ARHGAP35: variants seen among roughly 807,000 people sequenced by gnomAD.
The protein encoded by ARHGAP35 is Rho GTPase activating protein 35.
Under a neutral mutation model 111.1 loss-of-function variants are expected in ARHGAP35, and 15 were observed. That is an observed-to-expected ratio of 0.13 (90% confidence interval 0.09 to 0.21). ARHGAP35 has a LOEUF of 0.21. Among genes scored for constraint, ARHGAP35 ranks in the 10% least tolerant of loss-of-function variants. The probability of loss-of-function intolerance (pLI) is 1.00; values close to 1 mark genes in which losing one functional copy is unlikely to be tolerated. For missense variants in ARHGAP35, 1,262 were observed against 1,873.0 expected (o/e 0.67, Z 6.02); for synonymous variants, 643 against 710.3 (o/e 0.91, Z 1.51).
At position 46,986,959 on chromosome 19, in the gene ARHGAP35, G is replaced by T. The variant is rs781659338; in HGVS notation, c.3827-1030G>T. 7.9e-5 allele frequency among the ~76,000 whole-genome samples: 12 copies of T among 152,118 alleles called. No homozygotes were observed. The highest frequency in any genetic ancestry group is 1.8e-4 in the Non-Finnish European group (12 of 68,024). On this transcript the variant is annotated intron_variant, in intron 3 of 6. Transcript: ENST00000672722. The surrounding 1 kb of genome is among the most constrained non-coding windows in gnomAD (Gnocchi z 4.3). ...TTCTTCTGCCTCAGCCTCCCGAGTA[G>T]CTGGGATTATAGGCATGTGCCACCA... is the stretch of plus-strand genomic sequence containing the variant.
At chr19:46,956,001 TGTG>T (rs1223820426) in intron 3 of ARHGAP35, among the ~76,000 whole-genome samples, 1 of 152,178 alleles carries the variant, frequency 6.6e-6, no homozygotes, top group Non-Finnish European at 1.5e-5. Flanking sequence ...CCTGACCCCA[TGTG>T]GTCACAGTCA....
chr19:46,899,698 C>CA (rs34813801), intron 1 of ARHGAP35, among the ~76,000 whole-genome samples: 9,493 of 124,746 alleles, frequency 0.076, 401 homozygotes, highest in East Asian at 0.2. Flanking sequence ...AGACCCTGTA[C>CA]AAAAAAAAAC....
chr19:46,939,265 A>G (rs2056330182), intron 3 of ARHGAP35, among the ~76,000 whole-genome samples: 1 of 151,974 alleles, frequency 6.6e-6, no homozygotes, highest in South Asian at 2.1e-4. Flanking sequence ...GTGAGCTACC[A>G]TGCCTGGCTT....
At chr19:46,915,486 G>T (rs1428432674) in intron 1 of ARHGAP35, among the ~76,000 whole-genome samples, 3 of 152,214 alleles carry the variant, frequency 2.0e-5, no homozygotes, top group Non-Finnish European at 4.4e-5. Context: ...GTGACCTTTT[G>T]AGGTTATCAT....
In ARHGAP35 at chr19:46,993,360, C is replaced by T. The variant is rs1311855516; in HGVS notation, c.4036+3685C>T. On this transcript the variant is annotated intron_variant, in intron 5 of 6. Transcript: ENST00000672722. This position sits in a 1 kb window ranked among gnomAD's most constrained non-coding sequence, Gnocchi z 4.6. ...CCAGCAGGGACTTTCCTCCAGGCAC[C>T]GAGCTGGCAGCAGCAGACCCAGGCC... 1.3e-5 allele frequency among the ~76,000 whole-genome samples: 2 copies of T among 152,220 alleles called. No individual in the cohort carries two copies. Among genetic ancestry groups the T allele is most frequent in the African/African-American group, 4.8e-5 (2 of 41,462 alleles).
chr19:46,932,432 T>G (rs1041323662), intron 2 of ARHGAP35, among the ~76,000 whole-genome samples: 1 of 152,200 alleles, frequency 6.6e-6, no homozygotes, highest in African/African-American at 2.4e-5. Flanking sequence ...TACTTTCTCC[T>G]TTTCAAGGAC....
intron 3 of ARHGAP35, among the ~76,000 whole-genome samples, chr19:46,979,609 T>A (rs1393679284): frequency 1.3e-5 from 2 of 152,230 alleles, no homozygotes; most frequent in Admixed American, 6.5e-5. Context: ...ATCAGCCAGA[T>A]GCTAGAGCCA....
chr19:46,947,432 G>C (rs1019862476), intron 3 of ARHGAP35: 3 of 152,106 alleles, frequency 2.0e-5, no homozygotes, highest in Non-Finnish European at 4.4e-5. Context: ...AGTGTAAAAG[G>C]GCAGAGTCAC....
chr19:46,899,691 C>G (rs947913469), intron 1 of ARHGAP35, among the ~76,000 whole-genome samples: 2 of 149,670 alleles, frequency 1.3e-5, no homozygotes, highest in African/African-American at 5.0e-5. Context: ...CAGAGTGAGA[C>G]CCTGTACAAA....
chr19:46,861,828 GGAGATCCATCT>G (rs1276610315), intron 1 of ARHGAP35, among the ~76,000 whole-genome samples: 1 of 152,036 alleles, frequency 6.6e-6, no homozygotes, highest in Non-Finnish European at 1.5e-5. Context: ...CCAACCCTTT[GGAGATCCATCT>G]GAGACCCCTG....
intron 3 of ARHGAP35, among the ~76,000 whole-genome samples, chr19:46,953,829 C>T (rs1046489655): frequency 2.0e-5 from 3 of 152,220 alleles, no homozygotes; most frequent in African/African-American, 7.2e-5. Context: ...CCAAGCCCAT[C>T]TTCCTTCACA....
chr19:46,930,405 AC>A (rs955283988), intron 2 of ARHGAP35, among the ~76,000 whole-genome samples: 1 of 121,810 alleles, frequency 8.2e-6, no homozygotes, highest in Admixed American at 9.2e-5. Flanking sequence ...GTTCCCCACC[AC>A]CCCACCTGCT....
Position 46,992,285 on chromosome 19 carries a change from C to T in ARHGAP35, c.4036+2610C>T, listed in dbSNP as rs547051189. Among the ~76,000 whole-genome samples, 4 of 152,270 alleles carry T rather than the reference C, an allele frequency of 2.6e-5. No individual in the cohort carries two copies. Among genetic ancestry groups the T allele is most frequent in the East Asian group, 1.9e-4 (1 of 5,180 alleles). On this transcript the variant is annotated intron_variant, in intron 5 of 6. Coordinates refer to ENST00000672722, the MANE Select transcript of ARHGAP35 (RefSeq NM_004491.5). This position sits in a 1 kb window ranked among gnomAD's most constrained non-coding sequence, Gnocchi z 4.4. ...TGATACAGCCTGCCCAGGGTCACAC[C>T]GCTAGGGAGTGGCAAGCCGGGGCTT...
intron 1 of ARHGAP35, among the ~76,000 whole-genome samples, chr19:46,863,477 T>G (rs2055839970): frequency 6.6e-6 from 1 of 152,170 alleles, no homozygotes; most frequent in African/African-American, 2.4e-5. Context: ...GCTCTCTCCC[T>G]TCCTATCTCT....
At chr19:46,938,973 T>C (rs1449870711) in intron 3 of ARHGAP35, among the ~76,000 whole-genome samples, 9 of 152,168 alleles carry the variant, frequency 5.9e-5, no homozygotes, top group Admixed American at 5.9e-4. Flanking sequence ...GTTTTTAAGT[T>C]GGAGCCCACC....
chr19:46,930,351 C>T (rs886872786), intron 2 of ARHGAP35, among the ~76,000 whole-genome samples: 1 of 150,934 alleles, frequency 6.6e-6, no homozygotes, highest in Non-Finnish European at 1.5e-5. Context: ...CACAGTGAGA[C>T]GCTGTCTCAA....
intron 1 of ARHGAP35, among the ~76,000 whole-genome samples, chr19:46,877,470 A>C (rs2055931376): frequency 6.6e-6 from 1 of 152,000 alleles, no homozygotes; most frequent in African/African-American, 2.4e-5. Flanking sequence ...AGGCTGAGTC[A>C]GGAGAATCAC....
chr19:46,927,546 C>T lies in ARHGAP35; in HGVS notation c.3681+5190C>T, dbSNP rs553966486. Among the ~76,000 whole-genome samples the T allele has an allele frequency of 4.3e-3, 651 of 152,260 alleles. 3 individuals carry two copies. Among genetic ancestry groups the T allele is most frequent in the Non-Finnish European group, 6.1e-3 (415 of 68,012 alleles). On this transcript the variant is annotated intron_variant, in intron 2 of 6. Transcript: ENST00000672722. ...GTTCAAAGAGTTGAAAGAAGCTTAGCGTGGCTGCTCTGGAGAGGTGAGGGG... is the reference window on the plus strand; with the variant it reads ...GTTCAAAGAGTTGAAAGAAGCTTAGTGTGGCTGCTCTGGAGAGGTGAGGGG...
intron 3 of ARHGAP35, among the ~76,000 whole-genome samples, chr19:46,955,761 C>T (rs1304196071): frequency 6.6e-6 from 1 of 152,098 alleles, no homozygotes; most frequent in Non-Finnish European, 1.5e-5. Context: ...CAGAGCAACC[C>T]TTTAAACCAT....
Sources: gnomAD v4.1 joint callset for allele counts (sites outside exome capture counted in the v4.1 genomes callset) on GRCh38, gnomAD v4.1.1 for gene constraint, Gnocchi (gnomAD v3.1) non-coding constraint, MANE v1.5 for transcripts, NCBI Gene and HGNC (gene_info 2026-07-23, HGNC 2026-07-21) for gene names.